SSBP2: variants seen among roughly 807,000 people sequenced by gnomAD.
SSBP2 encodes single-stranded DNA-binding protein 2.
SSBP2 carries 17 observed loss-of-function variants against 61.8 expected under a neutral mutation model. The observed-to-expected ratio is 0.28, with a 90% CI of 0.19 to 0.41. The LOEUF (loss-of-function observed/expected upper bound fraction) is 0.41, where lower values mean the gene tolerates loss of function less well. SSBP2 is among the 10% of genes least tolerant of loss of function. SSBP2 has a pLI of 1.00. For synonymous variants in SSBP2, 139 were observed against 141.3 expected (o/e 0.98, Z 0.12); for missense variants, 310 against 458.7 (o/e 0.68, Z 2.96).
intron 1 of SSBP2, among the ~76,000 whole-genome samples, chr5:81,718,578 G>C (rs1581413272): frequency 6.6e-6 from 1 of 152,228 alleles, no homozygotes; most frequent in East Asian, 1.9e-4. Flanking sequence ...TAAGAGATTA[G>C]GAAGTTGGTG....
intron 1 of SSBP2, among the ~76,000 whole-genome samples, chr5:81,687,086 A>C (rs922224415): frequency 1.3e-5 from 2 of 152,186 alleles, no homozygotes; most frequent in Non-Finnish European, 2.9e-5. Context: ...GATCACTGAA[A>C]GCAGCACTGA....
intron 8 of SSBP2, among the ~76,000 whole-genome samples, chr5:81,473,115 T>C (rs1428377755): frequency 1.3e-5 from 2 of 152,226 alleles, no homozygotes; most frequent in African/African-American, 4.8e-5. Context: ...ACAACTATGT[T>C]ACATGAAGTC....
chr5:81,508,331 G>C (rs767817287), intron 5 of SSBP2, among the ~76,000 whole-genome samples: 1 of 152,016 alleles, frequency 6.6e-6, no homozygotes, highest in Non-Finnish European at 1.5e-5. Flanking sequence ...GTCACTCTGA[G>C]GACTTATAGG....
intron 12 of SSBP2, among the ~76,000 whole-genome samples, chr5:81,445,135 A>AC (rs1763292261): frequency 2.3e-5 from 1 of 43,808 alleles, no homozygotes; most frequent in Non-Finnish European, 4.5e-5. Context: ...GAAAAAAAAA[A>AC]TTTTATATAT....
intron 1 of SSBP2, among the ~76,000 whole-genome samples, chr5:81,667,061 G>C (rs1751194723): frequency 6.6e-6 from 1 of 151,754 alleles, no homozygotes; most frequent in Non-Finnish European, 1.5e-5. Context: ...TTTAGACACG[G>C]GACAAAAGGC....
chr5:81,422,669 A>G (rs1246759927), intron 16 of SSBP2, among the ~76,000 whole-genome samples: 1 of 151,486 alleles, frequency 6.6e-6, no homozygotes, highest in Non-Finnish European at 1.5e-5. Context: ...GTCATAGGAG[A>G]AAAAAAAATA....
rs756517980 is a variant in SSBP2 at position 81,751,023 on chromosome 5, C to T, written c.20G>A (p.Ser7Asn). Reference sequence around the variant, plus strand: ...GTCGGACGGGACGGCGCTGCTGTTACTCTTGCCTTTGCCGTACATGCTTGT... The same window carrying T: ...GTCGGACGGGACGGCGCTGCTGTTATTCTTGCCTTTGCCGTACATGCTTGT... The change falls in exon 1 of 17, where the codon AGT (serine) becomes AAT (asparagine). Residue 7 changes from serine (S) to asparagine (N), a missense_variant. Ser to Asn is a conservative substitution (Grantham distance 46, BLOSUM62 1). Transcript: ENST00000320672. 27 of 1,599,388 alleles carry T rather than the reference C, an allele frequency of 1.7e-5. No homozygotes were observed. Among genetic ancestry groups the T allele is most frequent in the Non-Finnish European group, 2.3e-5 (27 of 1,173,214 alleles).
At chr5:81,497,977 T>C (rs930674460) in intron 5 of SSBP2, among the ~76,000 whole-genome samples, 1 of 152,174 alleles carries the variant, frequency 6.6e-6, no homozygotes, top group Non-Finnish European at 1.5e-5. Flanking sequence ...CAATTCTATA[T>C]AGCAGTTTGC....
chr5:81,535,810 C>G (rs925398362), intron 4 of SSBP2, among the ~76,000 whole-genome samples: 1 of 151,808 alleles, frequency 6.6e-6, no homozygotes. Context: ...TATAAAACTT[C>G]TAGATAATAA....
At chr5:81,433,761 A>AT (rs1198132931) in intron 15 of SSBP2, among the ~76,000 whole-genome samples, 1 of 152,218 alleles carries the variant, frequency 6.6e-6, no homozygotes, top group Non-Finnish European at 1.5e-5. Flanking sequence ...TAAATCAAAT[A>AT]TAAATTCTGC....
chr5:81,615,494 T>C lies in SSBP2; in HGVS notation c.261A>G (p.Glu87=), dbSNP rs766441639. The change falls in exon 4 of 17, where the codon GAA becomes GAG. Residue 87 remains glutamate, a synonymous_variant. Transcript: ENST00000320672. ...TTACGTAATCATGGAAGGCTTTTGC[T>C]TCACTTGAGTGTTCACATGTTTCAC... 3.7e-6 allele frequency: 6 copies of C among 1,613,578 alleles called. No homozygotes were observed. The highest frequency in any genetic ancestry group is 5.1e-6 in the Non-Finnish European group (6 of 1,179,752).
At chr5:81,700,239 A>C (rs764114146) in intron 1 of SSBP2, among the ~76,000 whole-genome samples, 12 of 152,314 alleles carry the variant, frequency 7.9e-5, no homozygotes, top group Non-Finnish European at 1.3e-4. Context: ...GCAGGGAAAC[A>C]ATATCAATCT....
intron 2 of SSBP2, among the ~76,000 whole-genome samples, chr5:81,648,283 C>T (rs539664404): frequency 2.4e-4 from 36 of 152,162 alleles, no homozygotes; most frequent in Admixed American, 2.0e-3. Flanking sequence ...CTAATGATTT[C>T]ATGAAACACA....
chr5:81,682,142 G>A (rs1274844215), intron 1 of SSBP2, among the ~76,000 whole-genome samples: 1 of 152,154 alleles, frequency 6.6e-6, no homozygotes, highest in Non-Finnish European at 1.5e-5. Flanking sequence ...ATTTAAGGAA[G>A]AAATTAGAGT....
At chr5:81,574,992 G>A (rs1774096567) in intron 4 of SSBP2, among the ~76,000 whole-genome samples, 6 of 152,192 alleles carry the variant, frequency 3.9e-5, no homozygotes, top group Middle Eastern at 3.2e-3. Context: ...AGCTCAGACC[G>A]GGTGCAGTAG....
At chr5:81,715,094 T>C (rs555954149) in intron 1 of SSBP2, among the ~76,000 whole-genome samples, 12 of 152,214 alleles carry the variant, frequency 7.9e-5, no homozygotes, top group Admixed American at 6.5e-4. Context: ...TCCATATTCC[T>C]ACTACATCAA....
At chr5:81,443,752 TG>T (rs1763188755) in intron 12 of SSBP2, among the ~76,000 whole-genome samples, 2 of 152,138 alleles carry the variant, frequency 1.3e-5, no homozygotes, top group Admixed American at 1.3e-4. Flanking sequence ...TTAGTAGAGA[TG>T]GGGTTTCACT....
At chr5:81,709,765 G>A (rs544312343) in intron 1 of SSBP2, among the ~76,000 whole-genome samples, 1 of 151,350 alleles carries the variant, frequency 6.6e-6, no homozygotes, top group East Asian at 1.9e-4. Flanking sequence ...CCTTTATTTT[G>A]AAAAGAAAAA....
chr5:81,612,650 TAAG>T (rs1305108563), intron 4 of SSBP2, among the ~76,000 whole-genome samples: 1 of 152,086 alleles, frequency 6.6e-6, no homozygotes, highest in African/African-American at 2.4e-5. Flanking sequence ...TATAAAATAA[TAAG>T]ACTAATTTTA....
Sources: allele counts gnomAD v4.1 joint callset (sites outside exome capture counted in the v4.1 genomes callset), GRCh38; gene constraint gnomAD v4.1.1; transcripts MANE v1.5; gene names NCBI Gene and HGNC (gene_info 2026-07-23, HGNC 2026-07-21).